ADGRB3: variants seen among roughly 807,000 people sequenced by gnomAD.
ADGRB3 encodes adhesion G protein-coupled receptor B3.
In ADGRB3, 37 loss-of-function variants were observed where a neutral mutation model predicts 193.4. The ratio of observed to expected loss-of-function variants is 0.19; its 90% CI spans 0.15 to 0.25. The LOEUF (loss-of-function observed/expected upper bound fraction) is 0.25. Among genes scored for constraint, ADGRB3 ranks in the 10% least tolerant of loss-of-function variants. ADGRB3 has a pLI of 1.00. For missense variants in ADGRB3, 1,637 were observed against 1,852.9 expected (o/e 0.88, Z 2.14); for synonymous variants, 690 against 644.2 (o/e 1.07, Z -1.08).
At chr6:68,694,818 T>C (rs1765131214) in intron 3 of ADGRB3, among the ~76,000 whole-genome samples, 1 of 152,072 alleles carries the variant, frequency 6.6e-6, no homozygotes, top group Non-Finnish European at 1.5e-5. Flanking sequence ...AGGGTTCCTG[T>C]CTTTGGAGAA....
rs186932431 is a variant in ADGRB3, at chr6:68,927,281, A to G, written c.758-3278A>G. Among the ~76,000 whole-genome samples, 611 of 152,268 alleles carry G rather than the reference A, an allele frequency of 4.0e-3. 2 individuals are homozygous for G. The highest frequency in any genetic ancestry group is 7.5e-3 in the Non-Finnish European group (511 of 67,990). On this transcript the variant is annotated intron_variant, in intron 3 of 31. Transcript: ENST00000370598. ...TTATGTTCTTTTTCTCGTGTAACTA[A>G]TGTAATATATTATCTTTGCCAACTA...
At chr6:68,869,418 A>G (rs1172603724) in intron 3 of ADGRB3, among the ~76,000 whole-genome samples, 1 of 152,160 alleles carries the variant, frequency 6.6e-6, no homozygotes, top group Non-Finnish European at 1.5e-5. Flanking sequence ...TCAAATTTAG[A>G]GTGATAATTA....
intron 3 of ADGRB3, among the ~76,000 whole-genome samples, chr6:68,819,645 G>A (rs1397254098): frequency 6.7e-6 from 1 of 148,384 alleles, no homozygotes; most frequent in Non-Finnish European, 1.5e-5. Flanking sequence ...AAAGTTCCAA[G>A]GCAAAACTTA....
intron 3 of ADGRB3, among the ~76,000 whole-genome samples, chr6:68,858,592 CAAAAA>C (rs11458724): frequency 2.1e-5 from 2 of 93,458 alleles, no homozygotes; most frequent in Admixed American, 1.3e-4. Flanking sequence ...GACCCTGACT[CAAAAA>C]AAAAAAAAAA....
chr6:68,807,235 C>CTTTTTTTTTT (rs771342538), intron 3 of ADGRB3, among the ~76,000 whole-genome samples: 49 of 100,198 alleles, frequency 4.9e-4, no homozygotes, highest in South Asian at 1.0e-3. Context: ...TTTCTTTTTT[C>CTTTTTTTTTT]TTTTTTTTTT....
intron 6 of ADGRB3, among the ~76,000 whole-genome samples, chr6:68,949,738 T>G (rs1243051796): frequency 6.6e-6 from 1 of 152,184 alleles, no homozygotes; most frequent in Admixed American, 6.6e-5. Context: ...GTATGACAAT[T>G]ATATTTGTTT....
chr6:68,750,918 G>A (rs949583662), intron 3 of ADGRB3, among the ~76,000 whole-genome samples: 1 of 152,164 alleles, frequency 6.6e-6, no homozygotes, highest in African/African-American at 2.4e-5. Context: ...TTGTTCCTAT[G>A]TATATCTGGG....
chr6:69,378,117 A>G (rs564949308), intron 30 of ADGRB3, among the ~76,000 whole-genome samples: 1 of 152,222 alleles, frequency 6.6e-6, no homozygotes, highest in Admixed American at 6.5e-5. Context: ...TGCCAGTGAT[A>G]TACAGACGAA....
intron 3 of ADGRB3, among the ~76,000 whole-genome samples, chr6:68,706,450 G>T (rs1330583600): frequency 1.3e-5 from 2 of 152,152 alleles, no homozygotes; most frequent in African/African-American, 4.8e-5. Flanking sequence ...GAATAATGGA[G>T]GTGACCGTAT....
At chr6:69,287,189 C>T (rs1008646300) in intron 20 of ADGRB3, among the ~76,000 whole-genome samples, 3 of 152,072 alleles carry the variant, frequency 2.0e-5, no homozygotes, top group African/African-American at 7.2e-5. Flanking sequence ...CATGTTTTAC[C>T]TCTGCCCTTC....
At chr6:68,736,811 A>T (rs1765881727) in intron 3 of ADGRB3, among the ~76,000 whole-genome samples, 1 of 152,082 alleles carries the variant, frequency 6.6e-6, no homozygotes. Flanking sequence ...AATACAGAAA[A>T]GTTTATCCCA....
chr6:68,671,234 G>A (rs1768950170), intron 3 of ADGRB3, among the ~76,000 whole-genome samples: 1 of 151,782 alleles, frequency 6.6e-6, no homozygotes, highest in Non-Finnish European at 1.5e-5. Flanking sequence ...TTCCAATTTG[G>A]ATGTCCTGTG....
intron 3 of ADGRB3, among the ~76,000 whole-genome samples, chr6:68,929,254 CTT>C (rs1311121499): frequency 6.6e-6 from 1 of 152,024 alleles, no homozygotes; most frequent in Non-Finnish European, 1.5e-5. Context: ...CATTTTCTGC[CTT>C]GGATATTTTC....
At chr6:69,247,538 A>G (rs141572598) in intron 20 of ADGRB3, among the ~76,000 whole-genome samples, 2 of 152,080 alleles carry the variant, frequency 1.3e-5, no homozygotes, top group East Asian at 3.9e-4. Context: ...AACTCTTACC[A>G]CACTTCAGAG....
At chr6:68,744,681 G>C (rs4358587) in intron 3 of ADGRB3, among the ~76,000 whole-genome samples, 54,656 of 151,826 alleles carry the variant, frequency 0.36, 10,693 homozygotes, top group East Asian at 0.65. Flanking sequence ...AGTGGGAGTT[G>C]AACAATGAGA....
intron 3 of ADGRB3, among the ~76,000 whole-genome samples, chr6:68,707,195 AT>A (rs796482353): frequency 6.0e-4 from 91 of 152,032 alleles, no homozygotes; most frequent in African/African-American, 2.0e-3. Context: ...TTTAAAAGTC[AT>A]CTTTTCATTT....
At chr6:68,739,485 G>A (rs1292102432) in intron 3 of ADGRB3, among the ~76,000 whole-genome samples, 1 of 152,092 alleles carries the variant, frequency 6.6e-6, no homozygotes, top group Admixed American at 6.6e-5. Context: ...ATGCACAATT[G>A]GAGGGATTTT....
At chr6:69,299,267 T>G (rs1253676802) in intron 20 of ADGRB3, among the ~76,000 whole-genome samples, 1 of 151,902 alleles carries the variant, frequency 6.6e-6, no homozygotes, top group Non-Finnish European at 1.5e-5. Flanking sequence ...TTAGTTTTTG[T>G]TTTTGTTTTT....
Position 68,847,099 on chromosome 6 carries a change from C to T in ADGRB3, c.758-83460C>T, listed in dbSNP as rs541940746. 2.6e-5 allele frequency among the ~76,000 whole-genome samples: 4 copies of T among 152,274 alleles called. No homozygotes were observed. The East Asian group carries it at 7.7e-4, about 29-fold the overall frequency. On this transcript the variant is annotated intron_variant, in intron 3 of 31. Transcript: ENST00000370598. ...TCAATTAGACTGTCCCACTGGATTT[C>T]TGACTTGCATGGGCCCTGTAACCCC... is the stretch of plus-strand genomic sequence containing the variant.
Sources: gnomAD v4.1 joint callset for allele counts (sites outside exome capture counted in the v4.1 genomes callset) on GRCh38, gnomAD v4.1.1 for gene constraint, MANE v1.5 for transcripts, NCBI Gene and HGNC (gene_info 2026-07-23, HGNC 2026-07-21) for gene names.